The following GALNT14 variants were observed in gnomAD, a reference collection of about 807,000 sequenced individuals.
The protein encoded by GALNT14 is UDP-GalNAc:polypeptide N-acetylgalactosaminyltransferase 14.
Under a neutral mutation model 77.5 loss-of-function variants are expected in GALNT14, and 60 were observed. That is an observed-to-expected ratio of 0.77 (90% confidence interval 0.63 to 0.96). The LOEUF is 0.96. Ranked by LOEUF, GALNT14 falls within the 40% of genes least tolerant of loss-of-function variation. GALNT14 has a pLI of 0.00. For synonymous variants in GALNT14, 280 were observed against 281.7 expected, an observed-to-expected ratio of 0.99 and a Z score of 0.06; for missense variants, 710 against 731.0, an observed-to-expected ratio of 0.97 and a Z score of 0.33.
chr2:30,906,984 C>T (rs548245879), downstream of GALNT14, among the ~76,000 whole-genome samples: 1 of 151,906 alleles, frequency 6.6e-6, no homozygotes, highest in East Asian at 1.9e-4. Context: ...AAATGAAGGC[C>T]GAAATAAAGA....
chr2:30,959,907 G>C (rs1268955075), intron 3 of GALNT14, among the ~76,000 whole-genome samples: 1 of 152,178 alleles, frequency 6.6e-6, no homozygotes, highest in African/African-American at 2.4e-5. Flanking sequence ...TGTTGGAGAG[G>C]GGGTTCAGAA....
chr2:31,129,523 T>C (rs1678874776), intron 1 of GALNT14: 1 of 985,444 alleles, frequency 1.0e-6, no homozygotes, highest in Non-Finnish European at 1.2e-6. Context: ...TAATAGCCAA[T>C]TATCTGGGTG....
chr2:31,021,961 T>C (rs896069648), intron 1 of GALNT14, among the ~76,000 whole-genome samples: 2 of 152,200 alleles, frequency 1.3e-5, no homozygotes, highest in Admixed American at 1.3e-4. Flanking sequence ...TGTAGGGATG[T>C]TGTCATAATC....
chr2:31,114,747 C>G, intron 1 of GALNT14: 1 of 716,946 alleles, frequency 1.4e-6, no homozygotes. Context: ...ATTTACCTGA[C>G]TTGAAGAAAG....
the GALNT14 span, among the ~76,000 whole-genome samples, chr2:30,892,870 A>T: frequency 2.0e-5 from 3 of 152,206 alleles, no homozygotes; most frequent in African/African-American, 7.2e-5. Flanking sequence ...CTAACTTGTT[A>T]GCTTATACAT....
At chr2:30,904,275 T>A in the GALNT14 span, among the ~76,000 whole-genome samples, 3 of 152,330 alleles carry the variant, frequency 2.0e-5, no homozygotes, top group South Asian at 2.1e-4. Flanking sequence ...AAGACGGTGA[T>A]TTCTGCATTT....
At chr2:30,907,208 T>A (rs888485791), downstream of GALNT14, among the ~76,000 whole-genome samples, 1 of 151,792 alleles carries the variant, frequency 6.6e-6, no homozygotes, top group African/African-American at 2.4e-5. Flanking sequence ...ATAACTAAGA[T>A]CGGAGCAGAA....
At chr2:31,016,129 G>A (rs972039161) in intron 1 of GALNT14, among the ~76,000 whole-genome samples, 1 of 152,170 alleles carries the variant, frequency 6.6e-6, no homozygotes, top group Non-Finnish European at 1.5e-5. Flanking sequence ...TTTTCTCACA[G>A]CTCTGGACGC....
At chr2:30,943,130 G>A (rs11893606) in intron 8 of GALNT14, among the ~76,000 whole-genome samples, 18,236 of 152,166 alleles carry the variant, frequency 0.12, 1,404 homozygotes, top group Non-Finnish European at 0.16. Context: ...CCAGAACTGC[G>A]GGACGATACA....
At chr2:30,951,616 A>G (rs1289968173) in intron 6 of GALNT14, among the ~76,000 whole-genome samples, 1 of 152,270 alleles carries the variant, frequency 6.6e-6, no homozygotes, top group Non-Finnish European at 1.5e-5. Context: ...AACTTTCATT[A>G]TATGTATTTT....
At chr2:30,973,463 T>C (rs1346582273) in intron 2 of GALNT14, among the ~76,000 whole-genome samples, 1 of 152,220 alleles carries the variant, frequency 6.6e-6, no homozygotes, top group Non-Finnish European at 1.5e-5. Context: ...CTACTGGCTT[T>C]TAGAATCACA....
Position 31,072,003 on chromosome 2 carries a change from T to C in GALNT14, c.129+65955A>G, listed in dbSNP as rs537972238. On this transcript the variant is annotated intron_variant, in intron 1 of 14. Transcript: ENST00000349752. ...CCCAGGAGACAGTGAGGCTGCAGGG[T>C]GGGGGCCACCCACGTGTGGGAGAAA... Among the ~76,000 whole-genome samples the C allele has an allele frequency of 4.9e-4, 74 of 151,402 alleles. 2 individuals are homozygous for C. The highest frequency in any genetic ancestry group is 1.8e-3 in the African/African-American group (74 of 41,242).
At chr2:30,907,353 C>T (rs1037464259), downstream of GALNT14, among the ~76,000 whole-genome samples, 58 of 152,042 alleles carry the variant, frequency 3.8e-4, no homozygotes, top group African/African-American at 9.4e-4. Flanking sequence ...ATCTAATAGA[C>T]GCAATAAAAA....
At chr2:31,030,177 G>T (rs1443429529) in intron 1 of GALNT14, among the ~76,000 whole-genome samples, 1 of 152,190 alleles carries the variant, frequency 6.6e-6, no homozygotes, top group Admixed American at 6.5e-5. Flanking sequence ...AAACTGTGGG[G>T]CCTCCCTAAG....
chr2:31,052,523 G>T (rs1485180348), intron 1 of GALNT14, among the ~76,000 whole-genome samples: 1 of 152,146 alleles, frequency 6.6e-6, no homozygotes, highest in African/African-American at 2.4e-5. Flanking sequence ...CCTCCTGCGG[G>T]ACACCAGAGC....
At chr2:31,113,159 AT>A (rs1432025004) in intron 1 of GALNT14, among the ~76,000 whole-genome samples, 1 of 152,214 alleles carries the variant, frequency 6.6e-6, no homozygotes, top group African/African-American at 2.4e-5. Flanking sequence ...CACTGTTGAA[AT>A]TTCAGAAATT....
intron 2 of GALNT14, among the ~76,000 whole-genome samples, chr2:30,984,639 C>T (rs750041237): frequency 8.1e-4 from 124 of 152,176 alleles, no homozygotes; most frequent in Non-Finnish European, 1.0e-3. Context: ...AACACTGGCT[C>T]TTCTATCTCC....
At chr2:30,921,660 A>G (rs1480480037) in intron 13 of GALNT14, among the ~76,000 whole-genome samples, 5 of 152,198 alleles carry the variant, frequency 3.3e-5, no homozygotes, top group Admixed American at 6.5e-5. Flanking sequence ...TGGGTTAATG[A>G]CCACATTCAA....
intron 1 of GALNT14, among the ~76,000 whole-genome samples, chr2:31,060,639 G>T (rs527785112): frequency 6.6e-6 from 1 of 152,272 alleles, no homozygotes; most frequent in East Asian, 1.9e-4. Context: ...ATCGGCTAGC[G>T]GCTGTCAACA....
Sources: gnomAD v4.1 joint callset for allele counts (sites outside exome capture counted in the v4.1 genomes callset) on GRCh38, gnomAD v4.1.1 for gene constraint, MANE v1.5 for transcripts, NCBI Gene and HGNC (gene_info 2026-07-23, HGNC 2026-07-21) for gene names.